Variants in NUP98 observed in about 807,000 individuals in gnomAD.
The protein encoded by NUP98 is nucleoporin 98 and 96 precursor.
Under a neutral mutation model 191.9 loss-of-function variants are expected in NUP98, and 26 were observed. The ratio of observed to expected loss-of-function variants is 0.14; its 90% CI spans 0.10 to 0.19. The LOEUF is 0.19. NUP98 is among the 10% of genes least tolerant of loss of function. NUP98 has a pLI of 1.00. For missense variants in NUP98, 1,941 were observed against 2,178.8 expected (o/e 0.89, Z 2.17); for synonymous variants, 808 against 778.4 (o/e 1.04, Z -0.63).
intron 15 of NUP98, 138 bp from the exon 16 acceptor site, chr11:3,723,593 A>G: frequency 1.5e-6 from 1 of 648,424 alleles, no homozygotes; most frequent in East Asian, 2.7e-5. Context: ...CTTAATACTT[A>G]CTACAGCAGT....
intron 8 of NUP98, among the ~76,000 whole-genome samples, chr11:3,763,765 C>CA (rs1459904716): frequency 6.6e-6 from 1 of 152,102 alleles, no homozygotes; most frequent in African/African-American, 2.4e-5. Context: ...CCAGGCTGGT[C>CA]ACGAACTCCT....
intron 1 of NUP98, among the ~76,000 whole-genome samples, chr11:3,782,570 A>ATTTTTTTTTT (rs35916882): frequency 8.5e-6 from 1 of 117,466 alleles, no homozygotes; most frequent in Non-Finnish European, 1.7e-5. Context: ...AAAAGCTAAC[A>ATTTTTTTTTT]TTTTTTTTTT....
rs749607346 is a variant in NUP98 at position 3,779,204 on chromosome 11, A to G, written c.130T>C (p.Ser44Pro). 6 of 1,614,136 alleles carry G rather than the reference A, an allele frequency of 3.7e-6. No individual in the cohort carries two copies. The East Asian group carries it at 1.3e-4, about 36-fold the overall frequency. Residue 44 changes from serine (S) to proline (P), a missense_variant, in exon 3 of 33, where the codon TCT becomes CCT. By Grantham distance (74) the Ser-to-Pro change is moderately conservative. Transcript: ENST00000324932. ...AAGAGGCCTCCAGTATTGTTGCTAG[A>G]ACCAAATGCAGATGTTCCAAATGCC... The part of the protein sequence containing the change: ...GGAFGTSAFG[S>P]SNNTGGLFGN...
At chr11:3,718,463 G>C (rs528510257) in intron 18 of NUP98, among the ~76,000 whole-genome samples, 1 of 152,162 alleles carries the variant, frequency 6.6e-6, no homozygotes, top group African/African-American at 2.4e-5. Context: ...TTGAACCCAG[G>C]GGGCAGAGGT....
At chr11:3,729,363 G>C (rs1262444766) in intron 14 of NUP98, among the ~76,000 whole-genome samples, 1 of 151,834 alleles carries the variant, frequency 6.6e-6, no homozygotes, top group Non-Finnish European at 1.5e-5. Context: ...AGACAATTAT[G>C]AAAGTGAATC....
intron 30 of NUP98, among the ~76,000 whole-genome samples, chr11:3,680,425 T>C (rs1433406469): frequency 2.0e-5 from 3 of 152,228 alleles, no homozygotes; most frequent in Non-Finnish European, 2.9e-5. Context: ...CATCTGCAAG[T>C]ACTTCCCCCA....
At chr11:3,763,145 A>G (rs2081230366) in intron 8 of NUP98, 106 bp from the exon 9 acceptor site, 2 of 987,626 alleles carry the variant, frequency 2.0e-6, no homozygotes, top group South Asian at 1.7e-5. Context: ...TATATGACAG[A>G]TATTAGGCTA....
At chr11:3,728,263 G>T (rs1450064936) in intron 14 of NUP98, among the ~76,000 whole-genome samples, 1 of 152,142 alleles carries the variant, frequency 6.6e-6, no homozygotes, top group East Asian at 1.9e-4. Context: ...GCAGTAATGG[G>T]AAATCCTACC....
intron 8 of NUP98, among the ~76,000 whole-genome samples, chr11:3,767,256 C>T (rs1288165604): frequency 6.6e-6 from 1 of 151,616 alleles, no homozygotes; most frequent in Non-Finnish European, 1.5e-5. Flanking sequence ...CCAGCATGCC[C>T]GGCTGATCCT....
chr11:3,794,335 T>C (rs1050019485), intron 1 of NUP98, among the ~76,000 whole-genome samples: 1 of 152,176 alleles, frequency 6.6e-6, no homozygotes, highest in African/African-American at 2.4e-5. Context: ...CTTTTCTTTT[T>C]TTCTTGAGTC....
chr11:3,735,324 G>T lies in NUP98; in HGVS notation c.1409C>A (p.Ala470Asp). 1 of 1,443,102 alleles carries T rather than the reference G, an allele frequency of 6.9e-7. No individual in the cohort carries two copies. 89.4% of individuals were successfully genotyped at this position (1,443,102 alleles called of 1,614,324 possible). The part of the protein sequence containing the change: ...LGFGAPQAPV[A>D]LTDPNASAAQ... ...AGCAGAAGCATTTGGATCTGTCAAA[G>T]CTTTTAAAAAAAAAAAAAGAAAACA... Residue 470 changes from alanine to aspartate, a missense_variant and splice_region_variant, in exon 13 of 33, where the codon GCT (alanine) becomes GAT (aspartate). Ala to Asp is a moderately radical substitution (Grantham distance 126, BLOSUM62 -2). Coordinates refer to ENST00000324932, the MANE Select transcript of NUP98 (RefSeq NM_016320.5).
chr11:3,793,056 C>T (rs181062186), intron 1 of NUP98, among the ~76,000 whole-genome samples: 10 of 152,066 alleles, frequency 6.6e-5, no homozygotes, highest in Admixed American at 4.6e-4. Context: ...GGTTGGAGTA[C>T]GCTGAGATAG....
intron 18 of NUP98, among the ~76,000 whole-genome samples, chr11:3,717,795 A>G (rs2079239542): frequency 6.6e-6 from 1 of 152,170 alleles, no homozygotes; most frequent in South Asian, 2.1e-4. Flanking sequence ...ATTATGAAAG[A>G]GTGTTGGATT....
At chr11:3,792,712 T>C (rs1247227077) in intron 1 of NUP98, among the ~76,000 whole-genome samples, 4 of 151,870 alleles carry the variant, frequency 2.6e-5, no homozygotes, top group Non-Finnish European at 5.9e-5. Context: ...TGTTATAAAA[T>C]CACAGAAGTG....
intron 11 of NUP98, 116 bp downstream of exon 11, chr11:3,753,200 A>C: frequency 1.1e-6 from 1 of 879,376 alleles, no homozygotes; most frequent in South Asian, 1.5e-5. Flanking sequence ...GCAACTGGAA[A>C]AACGAAAAGG....
intron 10 of NUP98, among the ~76,000 whole-genome samples, chr11:3,758,759 TGGGAGGGAG>T (rs1043384986): frequency 1.3e-5 from 2 of 151,796 alleles, no homozygotes; most frequent in Non-Finnish European, 2.9e-5. Flanking sequence ...CACTCCAGCC[TGGGAGGGAG>T]GGGAGAGAGA....
At chr11:3,727,098 TAGAA>T (rs2079648866) in intron 14 of NUP98, among the ~76,000 whole-genome samples, 3 of 151,870 alleles carry the variant, frequency 2.0e-5, no homozygotes, top group Non-Finnish European at 2.9e-5. Context: ...TTCTAGAAAA[TAGAA>T]AGAGGAAATA....
chr11:3,675,814 A>C lies in NUP98; in HGVS notation c.*345T>G, dbSNP rs1564794068. 2.5e-6 allele frequency: 1 copy of C among 400,096 alleles called. No homozygotes were observed. The highest frequency in any genetic ancestry group is 4.3e-5 in the East Asian group (1 of 23,128). 24.8% of individuals were successfully genotyped at this position (400,096 alleles called of 1,614,324 possible). On this transcript the variant is annotated 3_prime_UTR_variant, in exon 33 of 33. Transcript: ENST00000324932. ...GGTAGGAGTAGGGAAGCTGGTTGGCATGGAGGGTCACAAGATCCAGAATGG... is the reference window on the plus strand; with the variant it reads ...GGTAGGAGTAGGGAAGCTGGTTGGCCTGGAGGGTCACAAGATCCAGAATGG...
intron 10 of NUP98, among the ~76,000 whole-genome samples, chr11:3,759,439 A>T (rs2081089297): frequency 6.6e-6 from 1 of 152,034 alleles, no homozygotes; most frequent in Non-Finnish European, 1.5e-5. Flanking sequence ...TCTACTAAAA[A>T]CACAAAAATT....
Sources: allele counts gnomAD v4.1 joint callset (sites outside exome capture counted in the v4.1 genomes callset), GRCh38; gene constraint gnomAD v4.1.1; transcripts MANE v1.5; gene names NCBI Gene and HGNC (gene_info 2026-07-23, HGNC 2026-07-21).